Variants in NISCH observed in about 807,000 individuals in gnomAD.
The protein encoded by NISCH is nischarin, also known as I-1 receptor candidate protein.
NISCH carries 55 observed loss-of-function variants against 138.4 expected under a neutral mutation model. That is an observed-to-expected ratio of 0.40 (90% CI 0.32 to 0.50). The LOEUF (loss-of-function observed/expected upper bound fraction) is 0.50. Among genes scored for constraint, NISCH ranks in the 20% least tolerant of loss-of-function variants. The pLI is 0.71. For synonymous variants in NISCH, 860 were observed against 861.5 expected (o/e 1.00, Z 0.03); for missense variants, 1,643 against 2,005.5 (o/e 0.82, Z 3.45).
rs769048230 is a variant in NISCH, at chr3:52,457,922, A to T, written c.173A>T (p.Glu58Val). 23 of 1,605,686 alleles carry T rather than the reference A, an allele frequency of 1.4e-5. No homozygotes were observed. The highest frequency in any genetic ancestry group is 2.0e-5 in the Non-Finnish European group (23 of 1,172,938). ...HRYSDFHDLH[E>V]KLVAERKIDK... is the part of the protein sequence containing the mutation. ...TACAGCGACTTCCATGACCTGCATG[A>T]AAAGGTAACTGTTAAGAGCTGGGAG... The change falls in exon 2 of 21, where the codon GAA becomes GTA. Residue 58 changes from glutamate (E) to valine (V), a missense_variant. Coordinates refer to ENST00000345716, the MANE Select transcript of NISCH (RefSeq NM_007184.4).
chr3:52,490,382 G>A (rs1164781287), intron 18 of NISCH, 151 bp downstream of exon 18: 2 of 906,794 alleles, frequency 2.2e-6, no homozygotes, highest in South Asian at 1.6e-5. Context: ...GAGGAAGGGA[G>A]CTGTCATGAG....
chr3:52,489,693 G>T lies in NISCH; in HGVS notation c.3456+15G>T. 1.2e-6 allele frequency: 2 copies of T among 1,605,554 alleles called. No individual in the cohort carries two copies. The highest frequency in any genetic ancestry group is 1.1e-5 in the South Asian group (1 of 90,340). ...GCATTGCTGAGGTAGCGGCCCGGGTGTGGGTGCCAGCTATGGCACGGCCAG... is the reference window on the plus strand; with the variant it reads ...GCATTGCTGAGGTAGCGGCCCGGGTTTGGGTGCCAGCTATGGCACGGCCAG... On this transcript the variant is annotated intron_variant, in intron 17 of 20. Transcript: ENST00000345716.
Position 52,478,093 on chromosome 3 carries a change from GC to G in NISCH, c.988-3del. 2 of 1,613,434 alleles carry G rather than the reference GC, an allele frequency of 1.2e-6. No homozygotes were observed. The highest frequency in any genetic ancestry group is 1.7e-6 in the Non-Finnish European group (2 of 1,179,870). Reference sequence around the variant, plus strand: ...ACTTTACGCTGTTCTCCACGCCGCTGCAGCACCTGTATAACCTTGTGCATCT... The same window carrying G: ...ACTTTACGCTGTTCTCCACGCCGCTGAGCACCTGTATAACCTTGTGCATCT... On this transcript the variant is annotated splice_polypyrimidine_tract_variant and splice_region_variant and intron_variant, in intron 9 of 20. Transcript: ENST00000345716.
chr3:52,490,617 G>GT, intron 18 of NISCH, 88 bp from the exon 19 acceptor site: 1 of 1,573,454 alleles, frequency 6.4e-7, no homozygotes, highest in Non-Finnish European at 8.7e-7. Context: ...CCAGCCAAGA[G>GT]GACCTGTTCC....
At chr3:52,472,987 C>T (rs1175521296) in intron 6 of NISCH, among the ~76,000 whole-genome samples, 1 of 152,188 alleles carries the variant, frequency 6.6e-6, no homozygotes, top group African/African-American at 2.4e-5. Flanking sequence ...TTGAATCTTC[C>T]CAACAGCCCC....
At position 52,478,534 on chromosome 3, in the gene NISCH, A is replaced by T. The variant is rs758429661; in HGVS notation, c.1259A>T (p.Tyr420Phe). Residue 420 changes from tyrosine to phenylalanine, a missense_variant, in exon 11 of 21, where the codon TAC becomes TTC. Transcript: ENST00000345716. ...LNNPLSIIPDYRTKVLAQFGE... is the reference protein window; with the variant it reads ...LNNPLSIIPDFRTKVLAQFGE... Reference sequence around the variant, plus strand: ...AACCCTCTGAGCATCATCCCCGACTACCGGACCAAGGTGCTGGCTCAGTTC... The same window carrying T: ...AACCCTCTGAGCATCATCCCCGACTTCCGGACCAAGGTGCTGGCTCAGTTC... 3.1e-6 allele frequency: 5 copies of T among 1,614,124 alleles called. No individual in the cohort carries two copies. The highest frequency in any genetic ancestry group is 4.2e-6 in the Non-Finnish European group (5 of 1,180,018).
chr3:52,456,551 T>C (rs1370654810), intron 1 of NISCH, among the ~76,000 whole-genome samples: 1 of 152,188 alleles, frequency 6.6e-6, no homozygotes, highest in Non-Finnish European at 1.5e-5. Flanking sequence ...GGACTAGGCA[T>C]AGAGCACCTC....
intron 14 of NISCH, 125 bp downstream of exon 14, chr3:52,484,762 C>A: frequency 9.6e-7 from 1 of 1,046,948 alleles, no homozygotes; most frequent in Non-Finnish European, 1.4e-6. Flanking sequence ...TTGGCGTCCT[C>A]TGCTTTGTGC....
chr3:52,487,433 G>A lies in NISCH; in HGVS notation c.1941G>A (p.Glu647=). ...AGGATGAGGAGGAGGAAGAAGAGGA[G>A]GACGTGGCTGAGAACCGCTACTTTG... ...EEEDEEEEEE[E]DVAENRYFEM... The change falls in exon 16 of 21, where the codon GAG becomes GAA. Residue 647 remains glutamate (E), a synonymous_variant. Coordinates refer to ENST00000345716, the MANE Select transcript of NISCH (RefSeq NM_007184.4). This position sits in a 1 kb window ranked among gnomAD's most constrained non-coding sequence, Gnocchi z 9.1. 6.2e-7 allele frequency: 1 copy of A among 1,610,168 alleles called. No individual in the cohort carries two copies. Among genetic ancestry groups the A allele is most frequent in the African/African-American group, 1.3e-5 (1 of 74,954 alleles).
At chr3:52,477,880 C>A in intron 9 of NISCH, 1 of 633,422 alleles carries the variant, frequency 1.6e-6, no homozygotes, top group Non-Finnish European at 2.8e-6. Context: ...AGGTGGACAG[C>A]CATGTTTTCA....
intron 3 of NISCH, among the ~76,000 whole-genome samples, chr3:52,462,857 CA>C (rs998840882): frequency 6.6e-6 from 1 of 152,050 alleles, no homozygotes; most frequent in Non-Finnish European, 1.5e-5. Flanking sequence ...AGGCTGGTCT[CA>C]AACGCTTGAC....
intron 13 of NISCH, among the ~76,000 whole-genome samples, chr3:52,482,877 G>T (rs1707312986): frequency 6.6e-6 from 1 of 152,200 alleles, no homozygotes. Flanking sequence ...CCTTAGTAGG[G>T]GGTTCAAGAT....
Position 52,472,358 on chromosome 3 carries a change from C to T in NISCH, c.629C>T (p.Pro210Leu), listed in dbSNP as rs779642718. The T allele has an allele frequency of 1.1e-5, 18 of 1,614,156 alleles. No homozygotes were observed. Among genetic ancestry groups the T allele is most frequent in the Middle Eastern group, 1.7e-4 (1 of 6,042 alleles). Residue 210 changes from proline to leucine, a missense_variant, in exon 6 of 21, where the codon CCG (proline) becomes CTG (leucine). By Grantham distance (98) the Pro-to-Leu change is moderately conservative. Transcript: ENST00000345716. ...GTSNIQEQLL[P>L]FDLSIFKSLH... ...AGCAACATTCAGGAGCAGCTCCTGC[C>T]GTTCGACCTATCAATATTCAAGTCC... is the stretch of plus-strand genomic sequence containing the variant.
intron 13 of NISCH, chr3:52,481,921 CCT>C (rs1707286560): frequency 2.0e-6 from 2 of 985,410 alleles, no homozygotes; most frequent in Non-Finnish European, 2.4e-6. Flanking sequence ...TTTGTGTGCA[CCT>C]CTCTTTCCTT....
Position 52,487,235 on chromosome 3 carries a change from G to C in NISCH, c.1743G>C (p.Gly581=). 1.2e-6 allele frequency: 2 copies of C among 1,614,122 alleles called. No individual in the cohort carries two copies. The highest frequency in any genetic ancestry group is 1.3e-5 in the African/African-American group (1 of 75,052). Residue 581 remains glycine (G), a synonymous_variant, in exon 16 of 21, where the codon GGG becomes GGC. Transcript: ENST00000345716. The surrounding 1 kb of genome is among the most constrained non-coding windows in gnomAD (Gnocchi z 9.1). ...HAEPEVQVVP[G]SGQIIFLPFT... is the part of the protein sequence containing the mutation. The stretch of plus-strand genomic sequence containing the variant: ...AGCCGGAGGTCCAGGTGGTGCCGGG[G>C]TCTGGCCAGATCATCTTCCTGCCCT...
chr3:52,484,908 G>T (rs958205191), intron 14 of NISCH, among the ~76,000 whole-genome samples: 1 of 151,998 alleles, frequency 6.6e-6, no homozygotes, highest in Non-Finnish European at 1.5e-5. Context: ...CTCTGTCACT[G>T]GGCCCAGGGC....
At chr3:52,490,877 G>A in intron 19 of NISCH, 44 bp downstream of exon 19, 2 of 1,610,114 alleles carry the variant, frequency 1.2e-6, no homozygotes, top group Non-Finnish European at 1.7e-6. Context: ...GTGAAGGCCA[G>A]CATCACCAGT....
Position 52,490,707 on chromosome 3 carries a change from T to A in NISCH, c.3616T>A (p.Phe1206Ile). The change falls in exon 19 of 21, where the codon TTC becomes ATC. Residue 1206 changes from phenylalanine to isoleucine, a missense_variant and splice_region_variant. By Grantham distance (21) the Phe-to-Ile change is conservative. Coordinates refer to ENST00000345716, the MANE Select transcript of NISCH (RefSeq NM_007184.4). The stretch of plus-strand genomic sequence containing the variant: ...CTGTCCCTTTCTCCATCACACAGAT[T>A]TCTGGCATCAGAAAAACACCGACTA... ...RRYFSEPLQD[F>I]WHQKNTDYNN... 6.2e-7 allele frequency: 1 copy of A among 1,614,140 alleles called. No individual in the cohort carries two copies. Among genetic ancestry groups the A allele is most frequent in the Non-Finnish European group, 8.5e-7 (1 of 1,180,014 alleles).
At chr3:52,474,039 G>A (rs749459955) in intron 7 of NISCH, among the ~76,000 whole-genome samples, 5 of 152,202 alleles carry the variant, frequency 3.3e-5, no homozygotes, top group East Asian at 3.8e-4. Flanking sequence ...TAAAAAGTTC[G>A]TGTTGTTAAC....
Sources: allele counts gnomAD v4.1 joint callset (sites outside exome capture counted in the v4.1 genomes callset), GRCh38; gene constraint gnomAD v4.1.1; non-coding constraint Gnocchi (gnomAD v3.1); transcripts MANE v1.5; gene names NCBI Gene and HGNC (gene_info 2026-07-23, HGNC 2026-07-21).